Variants in ALS2CL observed in about 807,000 individuals in gnomAD.
ALS2CL encodes ALS2 C-terminal-like protein.
Under a neutral mutation model 127.9 loss-of-function variants are expected in ALS2CL, and 112 were observed. The ratio of observed to expected loss-of-function variants is 0.88; its 90% CI spans 0.75 to 1.02. The LOEUF is 1.02. Among genes scored for constraint, ALS2CL ranks in the 50% least tolerant of loss-of-function variants. The pLI, the probability that ALS2CL is intolerant of heterozygous loss-of-function variation, is 0.00. For missense variants in ALS2CL, 1,174 were observed against 1,236.7 expected, an observed-to-expected ratio of 0.95 and a Z score of 0.76; for synonymous variants, 519 against 527.6, an observed-to-expected ratio of 0.98 and a Z score of 0.22.
Position 46,671,603 on chromosome 3 carries a change from C to T in ALS2CL, c.2685-19G>A, listed in dbSNP as rs886622523. On this transcript the variant is annotated intron_variant, in intron 24 of 25. Transcript: ENST00000318962. ...CTGAATTCTGGAGAACACCGCCCCA[C>T]CAAGAGAGCGAGGGAGACAAGGAGA... is the stretch of plus-strand genomic sequence containing the variant. 30 of 1,613,654 alleles carry T rather than the reference C, an allele frequency of 1.9e-5. No individual in the cohort carries two copies. The highest frequency in any genetic ancestry group is 2.5e-5 in the Non-Finnish European group (29 of 1,179,926).
chr3:46,690,639 C>T (rs111348704), intron 1 of ALS2CL, among the ~76,000 whole-genome samples: 128 of 152,322 alleles, frequency 8.4e-4, no homozygotes, highest in Non-Finnish European at 2.2e-4. Context: ...GTATCTGGGG[C>T]GGAGAGTTAG....
At chr3:46,683,636 C>A (rs1231995406) in intron 9 of ALS2CL, 146 bp downstream of exon 9, 1 of 1,038,828 alleles carries the variant, frequency 9.6e-7, no homozygotes, top group Non-Finnish European at 1.5e-6. Flanking sequence ...TAATTCTTGA[C>A]CCCGATTTAC....
In ALS2CL at chr3:46,681,796, G is replaced by A. The variant is rs1699371142; in HGVS notation, c.1176-198C>T. The stretch of plus-strand genomic sequence containing the variant: ...CTCCAGCCTGGTCCCGAGCACCTTG[G>A]AGCACCTTTTGGCCTGTACCACTCC... On this transcript the variant is annotated intron_variant, in intron 11 of 25. Transcript: ENST00000318962. This position sits in a 1 kb window ranked among gnomAD's most constrained non-coding sequence, Gnocchi z 4.9. Among the ~76,000 whole-genome samples, 1 of 152,068 alleles carries A rather than the reference G, an allele frequency of 6.6e-6. No homozygotes were observed.
chr3:46,688,256 C>G lies in ALS2CL; in HGVS notation c.144G>C (p.Arg48=). 6.2e-7 allele frequency: 1 copy of G among 1,612,938 alleles called. No individual in the cohort carries two copies. The highest frequency in any genetic ancestry group is 8.5e-7 in the Non-Finnish European group (1 of 1,179,994). ...PSDPWGRECL[R]LLQQLHKSSQ... ...AGCTCTTGTGCAGCTGTTGCAAGAG[C>G]CGCAGGCACTCTCTGCCCCAGGGAT... The change falls in exon 3 of 26, where the codon CGG becomes CGC. Residue 48 remains arginine (R), a synonymous_variant. Coordinates refer to ENST00000318962, the MANE Select transcript of ALS2CL (RefSeq NM_147129.5).
At position 46,683,134 on chromosome 3, in the gene ALS2CL, C is replaced by T. The variant is rs773133824; in HGVS notation, c.1105G>A (p.Gly369Ser). 26 of 1,562,442 alleles carry T rather than the reference C, an allele frequency of 1.7e-5. No homozygotes were observed. The Admixed American group carries it at 2.1e-4, about 13-fold the overall frequency. Residue 369 changes from glycine (G) to serine (S), a missense_variant, in exon 10 of 26, where the codon GGC (glycine) becomes AGC (serine). Physicochemically the swap from Gly to Ser is moderately conservative, Grantham distance 56 (BLOSUM62 0). Transcript: ENST00000318962. The part of the protein sequence containing the change: ...EGEWCRGRPH[G>S]KGTLKWPDGR... ...CCCAGAGCTCCAGCCACTCACTTGCCGTGGGGCCGGCCCCTGCACCACTCG... is the reference window on the plus strand; with the variant it reads ...CCCAGAGCTCCAGCCACTCACTTGCTGTGGGGCCGGCCCCTGCACCACTCG...
In ALS2CL at chr3:46,685,767, C is replaced by T. The variant is rs78587219; in HGVS notation, c.667-123G>A. ...GAGGCCCCCTCCAGTAGACCTGGAG[C>T]GGACCCTGGGTCAGAGATAGGCAGA... On this transcript the variant is annotated intron_variant, in intron 6 of 25. Transcript: ENST00000318962. The T allele has an allele frequency of 3.1e-3, 4,191 of 1,365,610 alleles. 104 individuals are homozygous for T. In the African/African-American group the frequency reaches 0.051, roughly 17 times the overall value. The allele number at this position is 1,365,610 out of a possible 1,614,324, so 84.6% of individuals were successfully genotyped here. A position where few individuals can be genotyped will look rare whatever the true frequency, so the allele number is the denominator to read the frequency against.
chr3:46,682,920 C>A (rs1032304789), intron 10 of ALS2CL, among the ~76,000 whole-genome samples: 1 of 152,256 alleles, frequency 6.6e-6, no homozygotes, highest in Non-Finnish European at 1.5e-5. Context: ...CCCTTGTCCT[C>A]TAGCGTCACC....
intron 16 of ALS2CL, chr3:46,677,401 T>G: frequency 9.5e-7 from 1 of 1,057,590 alleles, no homozygotes; most frequent in Non-Finnish European, 1.1e-6. Context: ...TTACAGCTGG[T>G]TCCTTCCTGT....
In ALS2CL at chr3:46,671,937, C is replaced by T; in HGVS notation, c.2631G>A (p.Lys877=). 2 of 1,613,982 alleles carry T rather than the reference C, an allele frequency of 1.2e-6. No homozygotes were observed. Among genetic ancestry groups the T allele is most frequent in the East Asian group, 2.2e-5 (1 of 44,862 alleles). ...TVSRVLGREY[K]LPMDDLLPLL... ...GTGGCAGCAGGTCGTCCATGGGCAGCTTGTACTCCCGGCCCAATACCCTCG... is the reference window on the plus strand; with the variant it reads ...GTGGCAGCAGGTCGTCCATGGGCAGTTTGTACTCCCGGCCCAATACCCTCG... Residue 877 remains lysine, a synonymous_variant, in exon 24 of 26, where the codon AAG becomes AAA. Transcript: ENST00000318962.
chr3:46,691,440 C>T (rs1166803901), intron 1 of ALS2CL, among the ~76,000 whole-genome samples: 1 of 152,068 alleles, frequency 6.6e-6, no homozygotes, highest in African/African-American at 2.4e-5. Flanking sequence ...CTACACTCTC[C>T]GGGGGGCCAG....
At position 46,670,748 on chromosome 3, in the gene ALS2CL, A is replaced by T. The variant is rs532011356; in HGVS notation, c.*236T>A. On this transcript the variant is annotated 3_prime_UTR_variant, in exon 26 of 26. Coordinates refer to ENST00000318962, the MANE Select transcript of ALS2CL (RefSeq NM_147129.5). This position sits in a 1 kb window ranked among gnomAD's most constrained non-coding sequence, Gnocchi z 5.5. Reference sequence around the variant, plus strand: ...CCAGCCTGTGAGCTGCTGCAGATTAAGGGGTCATTGAAGATGGGCTAGTGG... The same window carrying T: ...CCAGCCTGTGAGCTGCTGCAGATTATGGGGTCATTGAAGATGGGCTAGTGG... 5.9e-5 allele frequency: 30 copies of T among 504,634 alleles called. No homozygotes were observed. The South Asian group carries it at 6.0e-4, about 10-fold the overall frequency. The allele number at this position is 504,634 out of a possible 1,614,324, so 31.3% of individuals were successfully genotyped here.
Position 46,686,157 on chromosome 3 carries a change from G to A in ALS2CL, c.666+151C>T. The A allele has an allele frequency of 8.4e-7, 1 of 1,194,494 alleles. No individual in the cohort carries two copies. Among genetic ancestry groups the A allele is most frequent in the Non-Finnish European group, 1.1e-6 (1 of 872,802 alleles). The allele number at this position is 1,194,494 out of a possible 1,614,324, so 74.0% of individuals were successfully genotyped here. ...GACAGATAAGAATGGCTGGACAGAGGGACCTTACAGCCACCTGCTTCAGCC... is the reference window on the plus strand; with the variant it reads ...GACAGATAAGAATGGCTGGACAGAGAGACCTTACAGCCACCTGCTTCAGCC... On this transcript the variant is annotated intron_variant, in intron 6 of 25. Coordinates refer to ENST00000318962, the MANE Select transcript of ALS2CL (RefSeq NM_147129.5). This position sits in a 1 kb window ranked among gnomAD's most constrained non-coding sequence, Gnocchi z 4.3.
At chr3:46,687,585 C>G in intron 4 of ALS2CL, 34 bp downstream of exon 4, 1 of 1,609,016 alleles carries the variant, frequency 6.2e-7, no homozygotes, top group South Asian at 1.1e-5. Context: ...CACTCCCACC[C>G]TGTCAGGGGC....
Position 46,686,256 on chromosome 3 carries a change from C to G in ALS2CL, c.666+52G>C. The G allele has an allele frequency of 1.3e-6, 2 of 1,554,996 alleles. No homozygotes were observed. The highest frequency in any genetic ancestry group is 1.7e-6 in the Non-Finnish European group (2 of 1,151,046). ...AGCAGCTCAAGCCCCCCAACATCTC[C>G]ATGCCCAATGTGGAACCCCCTCCCT... On this transcript the variant is annotated intron_variant, in intron 6 of 25. Coordinates refer to ENST00000318962, the MANE Select transcript of ALS2CL (RefSeq NM_147129.5). This position sits in a 1 kb window ranked among gnomAD's most constrained non-coding sequence, Gnocchi z 4.3.
intron 16 of ALS2CL, chr3:46,677,276 G>C (rs186303805): frequency 2.2e-6 from 3 of 1,334,718 alleles, no homozygotes; most frequent in Admixed American, 3.6e-5. Context: ...CTGGAAAGAC[G>C]GAGACAGAAA....
rs376440518 is a variant in ALS2CL at position 46,676,621 on chromosome 3, C to A, written c.2028+21G>T. On this transcript the variant is annotated intron_variant, in intron 18 of 25. Coordinates refer to ENST00000318962, the MANE Select transcript of ALS2CL (RefSeq NM_147129.5). The stretch of plus-strand genomic sequence containing the variant: ...GACAGTGACAATGTCACCCCCTTGG[C>A]CACCCCAGCAGGGCTCTCACCTTCC... 3.1e-6 allele frequency: 5 copies of A among 1,610,218 alleles called. No individual in the cohort carries two copies. The East Asian group carries it at 1.1e-4, about 36-fold the overall frequency.
At chr3:46,691,353 AG>A (rs1700140798) in intron 1 of ALS2CL, among the ~76,000 whole-genome samples, 1 of 152,184 alleles carries the variant, frequency 6.6e-6, no homozygotes, top group African/African-American at 2.4e-5. Context: ...GATGCAGACT[AG>A]GAACCAGATC....
Position 46,679,252 on chromosome 3 carries a change from C to T in ALS2CL, c.1584G>A (p.Leu528=). ...PGILLSEDDS[L]YEGTFTRDLT... ...GGTCCCTGGTGAAGGTGCCCTCATA[C>T]AGGGAGTCGTCTTCAGAGAGGAGGA... Residue 528 remains leucine, a synonymous_variant, in exon 15 of 26, where the codon CTG becomes CTA. Transcript: ENST00000318962. 1 of 1,587,400 alleles carries T rather than the reference C, an allele frequency of 6.3e-7. No individual in the cohort carries two copies. Among genetic ancestry groups the T allele is most frequent in the Non-Finnish European group, 8.6e-7 (1 of 1,166,322 alleles).
intron 7 of ALS2CL, among the ~76,000 whole-genome samples, chr3:46,684,911 T>C (rs1162714849): frequency 6.6e-6 from 1 of 151,828 alleles, no homozygotes; most frequent in Non-Finnish European, 1.5e-5. Context: ...TGCAAGGGGG[T>C]TCCAGGCCAA....
Sources: allele counts gnomAD v4.1 joint callset (sites outside exome capture counted in the v4.1 genomes callset), GRCh38; gene constraint gnomAD v4.1.1; non-coding constraint Gnocchi (gnomAD v3.1); transcripts MANE v1.5; gene names NCBI Gene and HGNC (gene_info 2026-07-23, HGNC 2026-07-21).